The following IFT88 variants were observed in gnomAD, a reference collection of about 807,000 sequenced individuals.
IFT88 encodes intraflagellar transport 88.
In IFT88, 74 loss-of-function variants were observed where a neutral mutation model predicts 119.5. The observed-to-expected ratio is 0.62, with a 90% CI of 0.51 to 0.75. The LOEUF is 0.75. Ranked by LOEUF, IFT88 falls within the 30% of genes least tolerant of loss-of-function variation. IFT88 has a pLI of 0.00. For synonymous variants in IFT88, 279 were observed against 316.7 expected, an observed-to-expected ratio of 0.88 and a Z score of 1.26; for missense variants, 961 against 977.7, an observed-to-expected ratio of 0.98 and a Z score of 0.23.
At chr13:20,673,784 T>C (rs909771655) in intron 24 of IFT88, among the ~76,000 whole-genome samples, 3 of 152,194 alleles carry the variant, frequency 2.0e-5, no homozygotes, top group African/African-American at 7.2e-5. Context: ...TTTCTTCCAG[T>C]CCATTTCAGT....
rs2047249498 is a variant in IFT88 at position 20,626,043 on chromosome 13, C to CTTTCTTTT, written c.1299+197_1299+198insCTTTTTTT. 2.0e-4 allele frequency among the ~76,000 whole-genome samples: 8 copies of CTTTCTTTT among 39,582 alleles called. 1 individual carries two copies. The highest frequency in any genetic ancestry group is 2.5e-4 in the Non-Finnish European group (6 of 24,164). The allele number at this position is 39,582 out of a possible 152,430, so 26.0% of individuals were successfully genotyped here. A position where few individuals can be genotyped will look rare whatever the true frequency, so the allele number is the denominator to read the frequency against. On this transcript the variant is annotated intron_variant, in intron 15 of 25. Coordinates refer to ENST00000351808, the MANE Select transcript of IFT88 (RefSeq NM_006531.5). ...ATTAATTTTTGCCTGTTTGTCGTTT[C>CTTTCTTTT]TTTTTTTTTTTTTTTTTTTTTTTTT...
At chr13:20,663,634 T>C (rs758595760) in intron 23 of IFT88, 30 bp downstream of exon 23, 1 of 1,459,090 alleles carries the variant, frequency 6.9e-7, no homozygotes, top group South Asian at 1.2e-5. Flanking sequence ...AACTGCAGTC[T>C]GTTAATTTTT....
chr13:20,597,125 TATTGAAATA>T lies in IFT88; in HGVS notation c.594+7_594+15del. On this transcript the variant is annotated splice_region_variant and intron_variant, in intron 9 of 25. Coordinates refer to ENST00000351808, the MANE Select transcript of IFT88 (RefSeq NM_006531.5). The stretch of plus-strand genomic sequence containing the variant: ...ATTTGGATTTAACTTACTCAGTAAG[TATTGAAATA>T]TAACACAATTTTTAAATAAAATTTT... The T allele has an allele frequency of 2.7e-6, 4 of 1,475,094 alleles. No individual in the cohort carries two copies. Among genetic ancestry groups the T allele is most frequent in the Non-Finnish European group, 3.7e-6 (4 of 1,070,768 alleles). 91.4% of individuals were successfully genotyped at this position (1,475,094 alleles called of 1,614,324 possible).
intron 1 of IFT88, chr13:20,567,751 G>A (rs2035185973): frequency 7.5e-7 from 1 of 1,335,778 alleles, no homozygotes; most frequent in East Asian, 2.6e-5. Context: ...GCGGTACTTA[G>A]CCTCACAAAG....
In IFT88 at chr13:20,597,344, C is replaced by T. The variant is rs996731248; in HGVS notation, c.594+225C>T. On this transcript the variant is annotated intron_variant, in intron 9 of 25. Coordinates refer to ENST00000351808, the MANE Select transcript of IFT88 (RefSeq NM_006531.5). The stretch of plus-strand genomic sequence containing the variant: ...ATTTTAGGCTGGGTGCAGTGACTCA[C>T]GCCTGTAATCCTAACACCTTGGGAG... Among the ~76,000 whole-genome samples the T allele has an allele frequency of 8.5e-5, 13 of 152,208 alleles. No homozygotes were observed. The East Asian group carries it at 1.4e-3, about 16-fold the overall frequency.
rs141961012 is a variant in IFT88 at position 20,568,534 on chromosome 13, C to T, written c.-7+1278C>T. ...TTGCTTCCTTCTATAACTTATGTGT[C>T]AACTAAGCTGACTTAAATAGGGTTC... On this transcript the variant is annotated intron_variant, in intron 1 of 25. Transcript: ENST00000351808. Among the ~76,000 whole-genome samples, 468 of 152,334 alleles carry T rather than the reference C, an allele frequency of 3.1e-3. 2 individuals are homozygous for T. In the South Asian group the frequency reaches 0.045, roughly 15 times the overall value.
chr13:20,679,730 G>A (rs915834121), intron 24 of IFT88, among the ~76,000 whole-genome samples: 3 of 152,116 alleles, frequency 2.0e-5, no homozygotes, highest in Admixed American at 2.0e-4. Context: ...CATGTAATTA[G>A]GATTATATTG....
At chr13:20,577,354 T>C (rs185194939) in intron 2 of IFT88, among the ~76,000 whole-genome samples, 1 of 152,338 alleles carries the variant, frequency 6.6e-6, no homozygotes, top group African/African-American at 2.4e-5. Flanking sequence ...CCTTTATTTC[T>C]TTCTCTTGCC....
intron 24 of IFT88, among the ~76,000 whole-genome samples, chr13:20,683,834 G>A (rs1416007860): frequency 2.0e-5 from 3 of 152,210 alleles, no homozygotes; most frequent in African/African-American, 7.2e-5. Context: ...ACAGTCAGGA[G>A]CTGTGCTATA....
At chr13:20,627,008 A>G (rs186772898) in intron 15 of IFT88, among the ~76,000 whole-genome samples, 467 of 152,310 alleles carry the variant, frequency 3.1e-3, no homozygotes, top group Non-Finnish European at 5.0e-3. Context: ...AAGGACTAAC[A>G]AAGGAAGTGG....
chr13:20,654,999 C>T (rs1454056275), intron 21 of IFT88, among the ~76,000 whole-genome samples: 4 of 152,066 alleles, frequency 2.6e-5, no homozygotes, highest in Admixed American at 6.5e-5. Context: ...TAGAGAGAGG[C>T]CCAGAGAGAT....
intron 23 of IFT88, among the ~76,000 whole-genome samples, chr13:20,668,009 CT>C (rs139704098): frequency 0.26 from 38,804 of 152,108 alleles, 6,468 homozygotes; most frequent in African/African-American, 0.46. Context: ...GATGGACACT[CT>C]TAACTTTCCG....
At chr13:20,670,891 A>G in intron 23 of IFT88, 82 bp from the exon 24 acceptor site, 1 of 1,183,762 alleles carries the variant, frequency 8.4e-7, no homozygotes, top group Non-Finnish European at 1.2e-6. Context: ...TAGTAATGTT[A>G]ATTTTAAAAT....
intron 20 of IFT88, among the ~76,000 whole-genome samples, chr13:20,652,127 G>A (rs2051835896): frequency 6.6e-6 from 1 of 152,210 alleles, no homozygotes; most frequent in Non-Finnish European, 1.5e-5. Context: ...GTCATAAAAT[G>A]TTTTGGAGAT....
chr13:20,607,403 C>T, intron 13 of IFT88: 1 of 627,604 alleles, frequency 1.6e-6, no homozygotes, highest in Non-Finnish European at 3.1e-6. Flanking sequence ...GGTGGTCCTC[C>T]TGTCCCAGAT....
chr13:20,632,205 G>A (rs1165539948), intron 16 of IFT88: 1 of 151,856 alleles, frequency 6.6e-6, no homozygotes, highest in African/African-American at 2.4e-5. Flanking sequence ...GATTTTAAGG[G>A]CTGGAAGTTA....
chr13:20,620,291 G>A lies in IFT88; in HGVS notation c.1199+4412G>A, dbSNP rs549515777. ...TGGAAAATAGTTTACTTTTTCCACT[G>A]CACTGTAATGTCACCTTTGACATAT... is the stretch of plus-strand genomic sequence containing the variant. On this transcript the variant is annotated intron_variant, in intron 14 of 25. Transcript: ENST00000351808. 7.9e-5 allele frequency among the ~76,000 whole-genome samples: 12 copies of A among 151,986 alleles called. No individual in the cohort carries two copies. In the East Asian group the frequency reaches 2.3e-3, roughly 29 times the overall value.
intron 23 of IFT88, 55 bp downstream of exon 23, chr13:20,663,659 C>T: frequency 8.0e-7 from 1 of 1,254,322 alleles, no homozygotes; most frequent in Non-Finnish European, 1.1e-6. Context: ...TGTCAGCCTT[C>T]TATAGCTCAA....
chr13:20,587,065 T>A, intron 3 of IFT88, among the ~76,000 whole-genome samples: 1 of 152,208 alleles, frequency 6.6e-6, no homozygotes, highest in East Asian at 1.9e-4. Flanking sequence ...TGATTTCTAG[T>A]TTTATTCTTA....
Sources: allele counts gnomAD v4.1 joint callset (sites outside exome capture counted in the v4.1 genomes callset), GRCh38; gene constraint gnomAD v4.1.1; transcripts MANE v1.5; gene names NCBI Gene and HGNC (gene_info 2026-07-23, HGNC 2026-07-21).